Variants in FAM107A observed in about 807,000 individuals in gnomAD.
FAM107A encodes actin-associated protein FAM107A.
Under a neutral mutation model 13.7 loss-of-function variants are expected in FAM107A, and 19 were observed. The ratio of observed to expected loss-of-function variants is 1.38; its 90% CI spans 0.97 to 2.03. The LOEUF is 2.03. Among genes scored for constraint, FAM107A ranks in the 30% most tolerant of loss-of-function variants. The pLI is 0.00. For missense variants in FAM107A, 203 were observed against 184.4 expected (o/e 1.10, Z -0.58); for synonymous variants, 82 against 74.5 (o/e 1.10, Z -0.52).
At chr3:58,603,608 C>T (rs1446760949) in intron 1 of FAM107A, among the ~76,000 whole-genome samples, 1 of 152,070 alleles carries the variant, frequency 6.6e-6, no homozygotes, top group African/African-American at 2.4e-5. Flanking sequence ...GCAGCATCAT[C>T]CCCCCATAGG....
upstream of FAM107A, chr3:58,587,177 T>A (rs958923699): frequency 4.0e-6 from 5 of 1,247,490 alleles, no homozygotes; most frequent in Non-Finnish European, 5.2e-6. Context: ...CGGGTGAACG[T>A]CTGCAGTGAG....
rs59782567 is a variant in FAM107A, at chr3:58,599,711, T to A, written c.-69-10442A>T. On this transcript the variant is annotated intron_variant, in intron 1 of 3. Coordinates refer to the FAM107A transcript ENST00000465970. ...CAAGTGCACCATTTTTTTTTTTTTTTTTTTTTTTTTTTTTTTTTTTTTTTG... is the reference window on the plus strand; with the variant it reads ...CAAGTGCACCATTTTTTTTTTTTTTATTTTTTTTTTTTTTTTTTTTTTTTG... Among the ~76,000 whole-genome samples, 401 of 43,562 alleles carry A rather than the reference T, an allele frequency of 9.2e-3. 3 individuals carry two copies. Among genetic ancestry groups the A allele is most frequent in the South Asian group, 0.027 (22 of 808 alleles). 28.6% of individuals were successfully genotyped at this position (43,562 alleles called of 152,430 possible).
upstream of FAM107A, among the ~76,000 whole-genome samples, chr3:58,587,924 A>G (rs1194688110): frequency 6.6e-6 from 1 of 152,230 alleles, no homozygotes; most frequent in East Asian, 1.9e-4. Flanking sequence ...ATTGCAAATA[A>G]GAAAAAACAG....
upstream of FAM107A, among the ~76,000 whole-genome samples, chr3:58,577,947 C>A (rs2063744364): frequency 6.6e-6 from 1 of 152,128 alleles, no homozygotes; most frequent in Admixed American, 6.5e-5. The surrounding 1 kb of genome is among the most constrained non-coding windows in gnomAD (Gnocchi z 4.9). Flanking sequence ...AACGGAAGAG[C>A]GTGGGAGAGG....
At chr3:58,611,251 C>T (rs2065851285) in intron 1 of FAM107A, among the ~76,000 whole-genome samples, 1 of 112,380 alleles carries the variant, frequency 8.9e-6, no homozygotes, top group African/African-American at 3.6e-5. Flanking sequence ...CTAATACAAG[C>T]TCCAATGTGC....
intron 1 of FAM107A, among the ~76,000 whole-genome samples, chr3:58,603,308 A>T (rs561095054): frequency 2.6e-5 from 4 of 152,274 alleles, no homozygotes; most frequent in African/African-American, 9.6e-5. Context: ...CGTATACTGA[A>T]CACCTACTAT....
upstream of FAM107A, among the ~76,000 whole-genome samples, chr3:58,588,009 A>T (rs945311712): frequency 6.6e-6 from 1 of 152,162 alleles, no homozygotes; most frequent in African/African-American, 2.4e-5. Context: ...AGGTGGTCCG[A>T]CTACAGACCT....
In FAM107A at chr3:58,570,407, CAG is replaced by C. The variant is rs796635801; in HGVS notation, c.-5-544_-5-543del. 22 of 983,974 alleles carry C rather than the reference CAG, an allele frequency of 2.2e-5. No homozygotes were observed. In the African/African-American group the frequency reaches 3.5e-4, roughly 16 times the overall value. 61.0% of individuals were successfully genotyped at this position (983,974 alleles called of 1,614,324 possible). On this transcript the variant is annotated intron_variant, in intron 1 of 3. Coordinates refer to ENST00000360997, the MANE Select transcript of FAM107A (RefSeq NM_001076778.3). ...ACATCAAAGAGGAGAGCATGAAATTCAGAGACTGCTGTGTCCCTAATAGCAAA... is the reference window on the plus strand; with the variant it reads ...ACATCAAAGAGGAGAGCATGAAATTCAGACTGCTGTGTCCCTAATAGCAAA...
At chr3:58,614,506 CTTTTTTTT>C (rs200625039) in intron 1 of FAM107A, among the ~76,000 whole-genome samples, 1 of 139,412 alleles carries the variant, frequency 7.2e-6, no homozygotes, top group Non-Finnish European at 1.6e-5. Context: ...TTCTTTCTTT[CTTTTTTTT>C]TTTTTTTGAG....
At chr3:58,610,479 C>T (rs534043145) in intron 1 of FAM107A, among the ~76,000 whole-genome samples, 3 of 152,208 alleles carry the variant, frequency 2.0e-5, no homozygotes, top group African/African-American at 7.2e-5. Flanking sequence ...AAAGAGAAGG[C>T]TGTGGGCTCT....
intron 3 of FAM107A, chr3:58,566,992 T>G (rs2063628261): frequency 1.6e-6 from 1 of 625,960 alleles, no homozygotes; most frequent in Non-Finnish European, 2.8e-6. Flanking sequence ...TGCAGTACAC[T>G]GGGCCAGTGA....
At chr3:58,598,110 T>A (rs1208171415) in intron 1 of FAM107A, among the ~76,000 whole-genome samples, 1 of 152,152 alleles carries the variant, frequency 6.6e-6, no homozygotes, top group Non-Finnish European at 1.5e-5. Context: ...AGCCACTGGA[T>A]GTCGCAACGC....
intron 1 of FAM107A, chr3:58,586,821 C>G: frequency 6.6e-7 from 1 of 1,514,248 alleles, no homozygotes; most frequent in South Asian, 1.2e-5. Context: ...CCTCCTCGCC[C>G]ACTTCCCGCG....
At chr3:58,572,791 G>GTAA (rs1475695365) in intron 1 of FAM107A, 1 of 152,194 alleles carries the variant, frequency 6.6e-6, no homozygotes, top group Non-Finnish European at 1.5e-5. Context: ...CGCCCCATAC[G>GTAA]TAAGTTGCCG....
chr3:58,615,101 T>C (rs2065889640), intron 1 of FAM107A, among the ~76,000 whole-genome samples: 3 of 152,258 alleles, frequency 2.0e-5, no homozygotes, highest in Non-Finnish European at 2.9e-5. Context: ...CCACCACGTC[T>C]GGCCCAAGCC....
At chr3:58,621,453 T>A (rs1434039283) in intron 1 of FAM107A, among the ~76,000 whole-genome samples, 1 of 152,164 alleles carries the variant, frequency 6.6e-6, no homozygotes, top group African/African-American at 2.4e-5. Flanking sequence ...CATTTTCATT[T>A]TGCACTGAGA....
chr3:58,622,290 A>T (rs1015054247), intron 1 of FAM107A, among the ~76,000 whole-genome samples: 2 of 152,088 alleles, frequency 1.3e-5, no homozygotes, highest in Non-Finnish European at 2.9e-5. Flanking sequence ...AATACAAAAA[A>T]ATTAGCTGGG....
At chr3:58,601,914 T>C (rs929135136) in intron 1 of FAM107A, among the ~76,000 whole-genome samples, 6 of 152,172 alleles carry the variant, frequency 3.9e-5, no homozygotes, top group Admixed American at 1.3e-4. Context: ...GGTGTAAACG[T>C]GGATGGGGCC....
chr3:58,609,110 G>A (rs2108076251), intron 1 of FAM107A: 1 of 152,302 alleles, frequency 6.6e-6, no homozygotes, highest in Admixed American at 6.5e-5. Flanking sequence ...CATGATGCAG[G>A]AGCTGGAAAT....
Sources: allele counts gnomAD v4.1 joint callset (sites outside exome capture counted in the v4.1 genomes callset), GRCh38; gene constraint gnomAD v4.1.1; non-coding constraint Gnocchi (gnomAD v3.1); transcripts MANE v1.5; gene names NCBI Gene and HGNC (gene_info 2026-07-23, HGNC 2026-07-21).